SLC35D4: variants seen among roughly 807,000 people sequenced by gnomAD.
The protein encoded by SLC35D4 is solute carrier family 35 member D4.
the SLC35D4 span, among the ~76,000 whole-genome samples, chr18:23,280,452 G>C: frequency 6.6e-6 from 1 of 152,168 alleles, no homozygotes; most frequent in Admixed American, 6.5e-5. Context: ...TGTCAGAGTG[G>C]CTTCCTCTAC....
chr18:23,354,468 C>T, the SLC35D4 span, among the ~76,000 whole-genome samples: 6 of 149,270 alleles, frequency 4.0e-5, no homozygotes, highest in South Asian at 4.2e-4. Flanking sequence ...TGCAGTGAGC[C>T]GAGATCGCAC....
At chr18:23,362,417 C>T in the SLC35D4 span, among the ~76,000 whole-genome samples, 17 of 151,958 alleles carry the variant, frequency 1.1e-4, no homozygotes, top group South Asian at 2.1e-4. Flanking sequence ...TGGCCAGTAT[C>T]GTGAAACCCT....
the SLC35D4 span, among the ~76,000 whole-genome samples, chr18:23,281,344 A>G: frequency 3.3e-5 from 5 of 151,918 alleles, no homozygotes; most frequent in Admixed American, 2.0e-4. Flanking sequence ...TTTTTTTGAG[A>G]CAAGATCTTG....
the SLC35D4 span, among the ~76,000 whole-genome samples, chr18:23,420,052 C>G: frequency 1.3e-5 from 2 of 152,006 alleles, no homozygotes; most frequent in African/African-American, 4.8e-5. Context: ...GCCTGTAATC[C>G]CAGCACTTTG....
the SLC35D4 span, among the ~76,000 whole-genome samples, chr18:23,413,221 A>G: frequency 1.5e-3 from 230 of 152,268 alleles, no homozygotes; most frequent in Middle Eastern, 0.024. Flanking sequence ...CAGCTCTCTG[A>G]TCATGCAGAA....
chr18:23,364,460 C>G, the SLC35D4 span, among the ~76,000 whole-genome samples: 1 of 152,194 alleles, frequency 6.6e-6, no homozygotes, highest in East Asian at 1.9e-4. Flanking sequence ...GTATTTTCAG[C>G]CATGCCACAC....
At chr18:23,326,147 A>G in the SLC35D4 span, among the ~76,000 whole-genome samples, 2 of 152,236 alleles carry the variant, frequency 1.3e-5, no homozygotes, top group East Asian at 3.8e-4. Context: ...TGTGCTCAGG[A>G]CAAAGCATCT....
chr18:23,271,182 C>T, the SLC35D4 span, among the ~76,000 whole-genome samples: 1 of 152,186 alleles, frequency 6.6e-6, no homozygotes, highest in East Asian at 1.9e-4. Flanking sequence ...AGGGGAAGTT[C>T]CCCTACAAAC....
chr18:23,257,393 C>T, the SLC35D4 span: 1 of 1,563,658 alleles, frequency 6.4e-7, no homozygotes, highest in Non-Finnish European at 8.6e-7. Context: ...CAGCCAAGGG[C>T]CATTTCTTCT....
At chr18:23,255,814 A>G in the SLC35D4 span, among the ~76,000 whole-genome samples, 3 of 151,718 alleles carry the variant, frequency 2.0e-5, no homozygotes, top group Admixed American at 1.3e-4. Flanking sequence ...TTTCACCTCA[A>G]CCTCCCAAAG....
At chr18:23,307,825 C>T in the SLC35D4 span, among the ~76,000 whole-genome samples, 1 of 152,202 alleles carries the variant, frequency 6.6e-6, no homozygotes, top group African/African-American at 2.4e-5. Flanking sequence ...CCTCCTGGGA[C>T]TCTGAGTCCC....
chr18:23,332,461 A>C, the SLC35D4 span, among the ~76,000 whole-genome samples: 1 of 152,174 alleles, frequency 6.6e-6, no homozygotes, highest in Non-Finnish European at 1.5e-5. Context: ...AAGCATAAAT[A>C]TCATTCTACA....
the SLC35D4 span, among the ~76,000 whole-genome samples, chr18:23,246,597 T>C: frequency 0.015 from 2,264 of 151,864 alleles, 53 homozygotes; most frequent in African/African-American, 0.048. Flanking sequence ...TTCACCGTGT[T>C]AGCCAGGATG....
At chr18:23,276,080 G>C in the SLC35D4 span, among the ~76,000 whole-genome samples, 1 of 151,726 alleles carries the variant, frequency 6.6e-6, no homozygotes, top group Non-Finnish European at 1.5e-5. Flanking sequence ...CTTAAAAATG[G>C]GGAAAAGGGC....
the SLC35D4 span, among the ~76,000 whole-genome samples, chr18:23,429,364 G>A: frequency 2.0e-5 from 3 of 151,752 alleles, no homozygotes; most frequent in African/African-American, 7.3e-5. Context: ...GTTATTTTTT[G>A]CCTTTTTTTT....
chr18:23,325,909 C>T, the SLC35D4 span, among the ~76,000 whole-genome samples: 84 of 152,308 alleles, frequency 5.5e-4, 1 homozygote, highest in African/African-American at 1.9e-3. Context: ...CCATCAGTGG[C>T]TACTTTTCAT....
At chr18:23,409,567 A>G in the SLC35D4 span, among the ~76,000 whole-genome samples, 9 of 152,240 alleles carry the variant, frequency 5.9e-5, no homozygotes, top group African/African-American at 1.9e-4. Flanking sequence ...AAGGCTGGGC[A>G]AGGTGGTTTA....
chr18:23,364,319 TA>T, the SLC35D4 span, among the ~76,000 whole-genome samples: 1 of 150,776 alleles, frequency 6.6e-6, no homozygotes, highest in Non-Finnish European at 1.5e-5. Context: ...TGTTTGTTTT[TA>T]AAAAAAAACA....
At chr18:23,395,313 A>G in the SLC35D4 span, among the ~76,000 whole-genome samples, 2 of 152,306 alleles carry the variant, frequency 1.3e-5, no homozygotes, top group East Asian at 3.9e-4. Flanking sequence ...CATTTTGCTT[A>G]ACTGAGTAAC....
Sources: gnomAD v4.1 joint callset for allele counts (sites outside exome capture counted in the v4.1 genomes callset) on GRCh38, gnomAD v4.1.1 for gene constraint, MANE v1.5 for transcripts, NCBI Gene and HGNC (gene_info 2026-07-23, HGNC 2026-07-21) for gene names.